KHDRBS2: variants seen among roughly 807,000 people sequenced by gnomAD.
KHDRBS2 encodes KH domain-containing, RNA-binding, signal transduction-associated protein 2.
Under a neutral mutation model 44.3 loss-of-function variants are expected in KHDRBS2, and 26 were observed. The ratio of observed to expected loss-of-function variants is 0.59; its 90% confidence interval spans 0.43 to 0.81. The LOEUF is 0.81. Among genes scored for constraint, KHDRBS2 ranks in the 40% least tolerant of loss-of-function variants. The probability of loss-of-function intolerance (pLI) is 0.00; values close to 1 mark genes in which losing one functional copy is unlikely to be tolerated. For missense variants in KHDRBS2, 476 were observed against 433.1 expected, an observed-to-expected ratio of 1.10 and a Z score of -0.88; for synonymous variants, 194 against 151.1, an observed-to-expected ratio of 1.28 and a Z score of -2.08.
chr6:61,600,461 A>G, the KHDRBS2 span, among the ~76,000 whole-genome samples: 1 of 151,672 alleles, frequency 6.6e-6, no homozygotes, highest in Non-Finnish European at 1.5e-5. Context: ...CCAGAGAACA[A>G]CCCCCTTTGA....
At chr6:61,590,889 G>A in the KHDRBS2 span, among the ~76,000 whole-genome samples, 8 of 152,060 alleles carry the variant, frequency 5.3e-5, no homozygotes, top group Non-Finnish European at 1.0e-4. Context: ...CATAGTCATG[G>A]GATGCTTCAT....
chr6:61,801,489 C>A (rs184995511), intron 6 of KHDRBS2, among the ~76,000 whole-genome samples: 7 of 152,242 alleles, frequency 4.6e-5, no homozygotes, highest in Admixed American at 3.9e-4. Flanking sequence ...TTCCATATAT[C>A]TCTACTTAAA....
At chr6:61,842,569 C>T (rs913750141) in intron 6 of KHDRBS2, among the ~76,000 whole-genome samples, 17 of 152,124 alleles carry the variant, frequency 1.1e-4, no homozygotes, top group African/African-American at 4.1e-4. Context: ...TGGCCAAATA[C>T]ACACATCAGA....
chr6:61,624,179 C>T, the KHDRBS2 span, among the ~76,000 whole-genome samples: 2 of 152,168 alleles, frequency 1.3e-5, no homozygotes, highest in East Asian at 3.9e-4. Context: ...AATAACCAAG[C>T]AGACAAAACG....
intron 7 of KHDRBS2, among the ~76,000 whole-genome samples, chr6:61,721,003 C>A (rs369672061): frequency 3.3e-5 from 5 of 151,166 alleles, no homozygotes; most frequent in East Asian, 3.9e-4. Context: ...ATATGGCTAG[C>A]CAGTTTTCCC....
intron 4 of KHDRBS2, among the ~76,000 whole-genome samples, chr6:61,918,863 T>C (rs1166758400): frequency 6.6e-6 from 1 of 152,086 alleles, no homozygotes; most frequent in South Asian, 2.1e-4. Context: ...TCTAATGAAT[T>C]GAGACTAAGT....
intron 1 of KHDRBS2, among the ~76,000 whole-genome samples, chr6:62,234,249 T>A (rs902791346): frequency 6.6e-6 from 1 of 152,132 alleles, no homozygotes; most frequent in African/African-American, 2.4e-5. Context: ...CAAGTTCTAG[T>A]TTACTACATA....
chr6:61,563,564 T>G, the KHDRBS2 span, among the ~76,000 whole-genome samples: 6 of 152,132 alleles, frequency 3.9e-5, no homozygotes, highest in African/African-American at 1.4e-4. Context: ...TTTAGCTTAT[T>G]AATGAATAGA....
intron 6 of KHDRBS2, among the ~76,000 whole-genome samples, chr6:61,792,572 G>A (rs1030559339): frequency 6.6e-6 from 1 of 151,508 alleles, no homozygotes; most frequent in Non-Finnish European, 1.5e-5. Context: ...TCGTTGTAGA[G>A]TGATAGTTTT....
At position 62,232,870 on chromosome 6, in the gene KHDRBS2, T is replaced by A. The variant is rs553892124; in HGVS notation, c.91+52988A>T. ...GAATTAAGGTAAGCCACCACGGAAC[T>A]AGAAGTCACCAACAAAGTACAACAA... On this transcript the variant is annotated intron_variant, in intron 1 of 8. Coordinates refer to ENST00000281156, the MANE Select transcript of KHDRBS2 (RefSeq NM_152688.4). Among the ~76,000 whole-genome samples the A allele has an allele frequency of 3.2e-4, 49 of 152,230 alleles. No individual in the cohort carries two copies. The South Asian group carries it at 9.7e-3, about 30-fold the overall frequency.
chr6:62,285,479 A>T (rs1012659861), intron 1 of KHDRBS2, among the ~76,000 whole-genome samples: 1 of 152,208 alleles, frequency 6.6e-6, no homozygotes, highest in South Asian at 2.1e-4. Context: ...ATCTGTAGCT[A>T]CGAAGCTCTT....
chr6:62,018,442 G>T lies in KHDRBS2; in HGVS notation c.336+29436C>A, dbSNP rs143315215. On this transcript the variant is annotated intron_variant, in intron 3 of 8. Transcript: ENST00000281156. ...AACTCACCGCAAGCTCCGCCTCCCA[G>T]TTTCACGCCATTCTCCTGTCTCAGC... Among the ~76,000 whole-genome samples the T allele has an allele frequency of 6.7e-3, 1,021 of 152,084 alleles. 16 individuals carry two copies. Among genetic ancestry groups the T allele is most frequent in the African/African-American group, 0.022 (932 of 41,482 alleles).
intron 6 of KHDRBS2, among the ~76,000 whole-genome samples, chr6:61,844,820 T>C (rs1283739552): frequency 1.3e-5 from 2 of 152,224 alleles, no homozygotes; most frequent in African/African-American, 4.8e-5. Context: ...TATTTGACTA[T>C]CTTTATTTAT....
At chr6:61,817,853 A>C (rs1415124476) in intron 6 of KHDRBS2, among the ~76,000 whole-genome samples, 1 of 152,064 alleles carries the variant, frequency 6.6e-6, no homozygotes, top group African/African-American at 2.4e-5. Flanking sequence ...CTATTGAATA[A>C]ATTGAACAGG....
chr6:61,692,578 G>C (rs1376524527), intron 8 of KHDRBS2, among the ~76,000 whole-genome samples: 1 of 151,998 alleles, frequency 6.6e-6, no homozygotes, highest in Non-Finnish European at 1.5e-5. Context: ...TTATTTCAGT[G>C]ATAAAATATA....
chr6:61,668,739 T>C, the KHDRBS2 span, among the ~76,000 whole-genome samples: 4 of 151,178 alleles, frequency 2.6e-5, no homozygotes, highest in South Asian at 8.3e-4. Context: ...TACATTCTTT[T>C]TCTTTCCAAA....
At chr6:61,672,374 C>T in the KHDRBS2 span, among the ~76,000 whole-genome samples, 1 of 151,972 alleles carries the variant, frequency 6.6e-6, no homozygotes, top group Non-Finnish European at 1.5e-5. Flanking sequence ...AATGGGATGG[C>T]TGGGTCAAAT....
the KHDRBS2 span, among the ~76,000 whole-genome samples, chr6:61,574,734 G>A: frequency 6.6e-6 from 1 of 151,886 alleles, no homozygotes; most frequent in African/African-American, 2.4e-5. Context: ...GTGGGTGTTG[G>A]CCCATCTCTA....
chr6:62,184,304 T>G (rs988273258), intron 1 of KHDRBS2, among the ~76,000 whole-genome samples: 3 of 151,670 alleles, frequency 2.0e-5, no homozygotes, highest in African/African-American at 7.3e-5. Flanking sequence ...TGCACAAATT[T>G]TACCTCTTTG....
Sources: gnomAD v4.1 joint callset for allele counts (sites outside exome capture counted in the v4.1 genomes callset) on GRCh38, gnomAD v4.1.1 for gene constraint, MANE v1.5 for transcripts, NCBI Gene and HGNC (gene_info 2026-07-23, HGNC 2026-07-21) for gene names.